Variants in SLC4A10 observed in about 807,000 individuals in gnomAD.
SLC4A10 encodes the protein sodium-driven chloride bicarbonate exchanger.
In SLC4A10, 42 loss-of-function variants were observed where a neutral mutation model predicts 137.7. That is an observed-to-expected ratio of 0.30 (90% confidence interval 0.24 to 0.39). The LOEUF (loss-of-function observed/expected upper bound fraction) is 0.39, where lower values mean the gene tolerates loss of function less well. SLC4A10 is among the 10% of genes least tolerant of loss of function. The pLI is 1.00. For synonymous variants in SLC4A10, 474 were observed against 464.1 expected (o/e 1.02, Z -0.27); for missense variants, 925 against 1,355.0 (o/e 0.68, Z 4.98).
intron 15 of SLC4A10, among the ~76,000 whole-genome samples, chr2:161,920,485 G>A (rs982431601): frequency 1.3e-5 from 2 of 152,168 alleles, no homozygotes; most frequent in African/African-American, 4.8e-5. Flanking sequence ...AGTACTTAAA[G>A]GACAAAATAA....
At chr2:161,762,575 C>T (rs1302795140) in intron 1 of SLC4A10, among the ~76,000 whole-genome samples, 1 of 151,944 alleles carries the variant, frequency 6.6e-6, no homozygotes, top group African/African-American at 2.4e-5. Context: ...AGCATTAAAT[C>T]TAAATGTTAA....
intron 3 of SLC4A10, among the ~76,000 whole-genome samples, chr2:161,807,712 T>C (rs943535145): frequency 5.9e-5 from 9 of 152,208 alleles, no homozygotes; most frequent in Non-Finnish European, 1.3e-4. Context: ...TTCTAAGTTT[T>C]AGTTTTCTTC....
chr2:161,893,483 G>A (rs1282202693), intron 10 of SLC4A10, among the ~76,000 whole-genome samples: 1 of 152,060 alleles, frequency 6.6e-6, no homozygotes, highest in Non-Finnish European at 1.5e-5. Flanking sequence ...ATGGTTTGGG[G>A]CCAGGAGTTC....
intron 1 of SLC4A10, among the ~76,000 whole-genome samples, chr2:161,715,831 AT>A (rs2044805247): frequency 6.6e-6 from 1 of 152,088 alleles, no homozygotes; most frequent in South Asian, 2.1e-4. Context: ...TAATAGAATG[AT>A]TTATATTCCT....
intron 3 of SLC4A10, among the ~76,000 whole-genome samples, chr2:161,817,193 C>T (rs1157451676): frequency 6.6e-6 from 1 of 152,158 alleles, no homozygotes; most frequent in Non-Finnish European, 1.5e-5. Flanking sequence ...GAGATGGTAT[C>T]TCATTGTGGT....
intron 6 of SLC4A10, among the ~76,000 whole-genome samples, chr2:161,867,087 G>C (rs533302536): frequency 2.2e-4 from 34 of 152,040 alleles, no homozygotes; most frequent in African/African-American, 8.2e-4. Flanking sequence ...ATAAGTTACT[G>C]AAAAGCAGTT....
chr2:161,725,101 C>G (rs957420699), intron 1 of SLC4A10, among the ~76,000 whole-genome samples: 1 of 152,064 alleles, frequency 6.6e-6, no homozygotes, highest in Non-Finnish European at 1.5e-5. Flanking sequence ...CAAATATGGC[C>G]TAAATCGCTT....
chr2:161,633,178 T>C (rs925128735), intron 1 of SLC4A10, among the ~76,000 whole-genome samples: 9 of 151,690 alleles, frequency 5.9e-5, no homozygotes, highest in African/African-American at 2.2e-4. Context: ...CAACTTATGA[T>C]ATTTTCAGTT....
chr2:161,822,530 C>T (rs2057708927), intron 3 of SLC4A10, among the ~76,000 whole-genome samples: 1 of 152,096 alleles, frequency 6.6e-6, no homozygotes, highest in East Asian at 1.9e-4. Context: ...GATATTTTTT[C>T]TAGACCAACT....
chr2:161,682,550 T>C (rs1168258454), intron 1 of SLC4A10, among the ~76,000 whole-genome samples: 1 of 152,164 alleles, frequency 6.6e-6, no homozygotes, highest in African/African-American at 2.4e-5. Flanking sequence ...GTTTTGTTTA[T>C]CTATTGCTGT....
At chr2:161,930,780 A>T (rs1389372856) in intron 15 of SLC4A10, among the ~76,000 whole-genome samples, 1 of 152,130 alleles carries the variant, frequency 6.6e-6, no homozygotes, top group Admixed American at 6.5e-5. Flanking sequence ...GGTAGGTGGA[A>T]TTAAAAATTG....
intron 1 of SLC4A10, among the ~76,000 whole-genome samples, chr2:161,726,832 C>CTAGGAGG (rs2046284476): frequency 6.6e-6 from 1 of 152,146 alleles, no homozygotes; most frequent in Admixed American, 6.5e-5. Flanking sequence ...TCAATTGAAC[C>CTAGGAGG]TAGGAGGTGG....
intron 1 of SLC4A10, among the ~76,000 whole-genome samples, chr2:161,681,488 T>C (rs2040844673): frequency 6.6e-6 from 1 of 152,152 alleles, no homozygotes. Context: ...TTAATATACA[T>C]TTTCTAATCC....
intron 8 of SLC4A10, among the ~76,000 whole-genome samples, chr2:161,878,154 C>T (rs932036860): frequency 1.3e-5 from 2 of 152,144 alleles, no homozygotes; most frequent in Non-Finnish European, 2.9e-5. Flanking sequence ...TTTGCCAGAG[C>T]TCATTCCTCT....
At chr2:161,897,188 A>C (rs1415385977) in intron 11 of SLC4A10, among the ~76,000 whole-genome samples, 1 of 151,068 alleles carries the variant, frequency 6.6e-6, no homozygotes, top group Admixed American at 6.7e-5. Flanking sequence ...TACAATCCAG[A>C]AAGATAGAAA....
intron 15 of SLC4A10, 142 bp downstream of exon 15, chr2:161,906,029 C>A: frequency 9.0e-7 from 1 of 1,116,300 alleles, no homozygotes; most frequent in Non-Finnish European, 1.2e-6. Context: ...CAGAGTCGAA[C>A]AGGATTTTAA....
At chr2:161,664,348 A>C (rs1315155863) in intron 1 of SLC4A10, among the ~76,000 whole-genome samples, 1 of 151,996 alleles carries the variant, frequency 6.6e-6, no homozygotes, top group Non-Finnish European at 1.5e-5. Flanking sequence ...ATTTGTGTTT[A>C]AACCTTGGTG....
chr2:161,928,611 T>C (rs1161643583), intron 15 of SLC4A10, among the ~76,000 whole-genome samples: 1 of 145,866 alleles, frequency 6.9e-6, no homozygotes. Flanking sequence ...GTCCCTCTCA[T>C]TCAAGAGCAA....
chr2:161,714,700 C>A (rs1039991900), intron 1 of SLC4A10, among the ~76,000 whole-genome samples: 3 of 151,900 alleles, frequency 2.0e-5, no homozygotes, highest in South Asian at 2.1e-4. Flanking sequence ...GGCTCCAGAG[C>A]GGGACTCCTG....
Sources: allele counts gnomAD v4.1 joint callset (sites outside exome capture counted in the v4.1 genomes callset), GRCh38; gene constraint gnomAD v4.1.1; transcripts MANE v1.5; gene names NCBI Gene and HGNC (gene_info 2026-07-23, HGNC 2026-07-21).